The following ERI3 variants were observed in gnomAD, a reference collection of about 807,000 sequenced individuals.
ERI3 encodes the protein ERI1 exoribonuclease family member 3.
In ERI3, 18 loss-of-function variants were observed where a neutral mutation model predicts 44.4. The ratio of observed to expected loss-of-function variants is 0.41; its 90% CI spans 0.28 to 0.60. The LOEUF (loss-of-function observed/expected upper bound fraction) is 0.60. Ranked by LOEUF, ERI3 falls within the 20% of genes least tolerant of loss-of-function variation. The probability of loss-of-function intolerance (pLI) is 0.36; values close to 1 mark genes in which losing one functional copy is unlikely to be tolerated. For missense variants in ERI3, 294 were observed against 435.5 expected, an observed-to-expected ratio of 0.68 and a Z score of 2.89; for synonymous variants, 183 against 164.8, an observed-to-expected ratio of 1.11 and a Z score of -0.84.
At chr1:44,299,153 T>G (rs987682991) in intron 6 of ERI3, among the ~76,000 whole-genome samples, 6 of 152,118 alleles carry the variant, frequency 3.9e-5, no homozygotes, top group Non-Finnish European at 7.4e-5. Flanking sequence ...TTCACATTTG[T>G]GTATTTATGC....
chr1:44,355,269 C>T, upstream of ERI3: 1 of 1,149,460 alleles, frequency 8.7e-7, no homozygotes, highest in East Asian at 4.2e-5. Context: ...CCTCCGCGCA[C>T]TCTGACCCCG....
intron 3 of ERI3, among the ~76,000 whole-genome samples, chr1:44,338,647 G>C (rs1335926335): frequency 6.6e-6 from 1 of 152,214 alleles, no homozygotes; most frequent in Non-Finnish European, 1.5e-5. Context: ...TTCAGTGCAG[G>C]AGGGGAACTA....
chr1:44,268,269 A>AGGACTTCAC (rs16626), intron 7 of ERI3, among the ~76,000 whole-genome samples: 1 of 151,584 alleles, frequency 6.6e-6, no homozygotes, highest in African/African-American at 2.4e-5. Context: ...CCCAACCCAT[A>AGGACTTCAC]GGGTGACTGG....
intron 6 of ERI3, among the ~76,000 whole-genome samples, chr1:44,286,415 G>A (rs991263036): frequency 6.6e-5 from 10 of 152,142 alleles, no homozygotes; most frequent in Non-Finnish European, 1.0e-4. Context: ...TGTCTCAGAG[G>A]CAACTGGATA....
chr1:44,346,705 TG>T (rs1646790256), intron 2 of ERI3, among the ~76,000 whole-genome samples: 1 of 152,182 alleles, frequency 6.6e-6, no homozygotes. Context: ...GGGGAACTGC[TG>T]TAAAAGCAAG....
At position 44,273,003 on chromosome 1, in the gene ERI3, T is replaced by C. The variant is rs148661551; in HGVS notation, c.831+11832A>G. Among the ~76,000 whole-genome samples the C allele has an allele frequency of 7.0e-3, 1,063 of 152,284 alleles. 8 individuals are homozygous for C. Among genetic ancestry groups the C allele is most frequent in the African/African-American group, 0.024 (982 of 41,556 alleles). On this transcript the variant is annotated intron_variant, in intron 7 of 8. Coordinates refer to ENST00000372257, the MANE Select transcript of ERI3 (RefSeq NM_024066.3). ...TCCTGAAGAACGAAGGGAATGTCTG[T>C]GGCGTTTTCTGACATTGCTAATAGC...
intron 7 of ERI3, among the ~76,000 whole-genome samples, chr1:44,262,244 G>GC (rs1485104695): frequency 6.6e-6 from 1 of 152,140 alleles, no homozygotes; most frequent in East Asian, 1.9e-4. Flanking sequence ...CCCCATGCTA[G>GC]CCTACACTTG....
intron 7 of ERI3, among the ~76,000 whole-genome samples, chr1:44,275,705 C>A (rs1161806633): frequency 6.6e-6 from 1 of 152,148 alleles, no homozygotes; most frequent in Non-Finnish European, 1.5e-5. Flanking sequence ...AGTGGAGCAG[C>A]AATCTTCATA....
At chr1:44,324,489 T>TC (rs1646267452) in intron 3 of ERI3, among the ~76,000 whole-genome samples, 1 of 146,616 alleles carries the variant, frequency 6.8e-6, no homozygotes, top group Non-Finnish European at 1.5e-5. Context: ...TTTTTTTTTT[T>TC]TTTTTTTTTT....
At chr1:44,232,728 C>A (rs1644214283) in intron 8 of ERI3, among the ~76,000 whole-genome samples, 1 of 152,218 alleles carries the variant, frequency 6.6e-6, no homozygotes, top group African/African-American at 2.4e-5. Context: ...ATCATTCCTG[C>A]AAGTCCCAGA....
chr1:44,310,981 A>G (rs867204049), intron 5 of ERI3, among the ~76,000 whole-genome samples: 5,120 of 128,622 alleles, frequency 0.04, 228 homozygotes, highest in South Asian at 0.073. Flanking sequence ...ACACACACAC[A>G]CACACACACA....
chr1:44,263,067 G>A (rs949430399), intron 7 of ERI3, among the ~76,000 whole-genome samples: 4 of 152,218 alleles, frequency 2.6e-5, no homozygotes, highest in African/African-American at 9.6e-5. Context: ...CAAGGGGAAA[G>A]GGATGTTGAA....
intron 4 of ERI3, among the ~76,000 whole-genome samples, chr1:44,314,515 T>C (rs1473367500): frequency 6.6e-6 from 1 of 152,234 alleles, no homozygotes; most frequent in East Asian, 1.9e-4. Flanking sequence ...AAAGATTAAC[T>C]ACACTGTTGT....
At chr1:44,262,731 C>T (rs999596765) in intron 7 of ERI3, among the ~76,000 whole-genome samples, 1 of 152,218 alleles carries the variant, frequency 6.6e-6, no homozygotes, top group Admixed American at 6.5e-5. Context: ...TTGTGAGGTA[C>T]AGGAAAGACC....
At chr1:44,286,845 T>A (rs1645403841) in intron 6 of ERI3, among the ~76,000 whole-genome samples, 1 of 152,188 alleles carries the variant, frequency 6.6e-6, no homozygotes, top group African/African-American at 2.4e-5. Flanking sequence ...AAAGCTTCCA[T>A]CAGAGTTCCC....
chr1:44,280,802 G>A (rs1451662946), intron 7 of ERI3, among the ~76,000 whole-genome samples: 2 of 152,096 alleles, frequency 1.3e-5, no homozygotes, highest in Non-Finnish European at 2.9e-5. Flanking sequence ...AAACATCAAG[G>A]TCAAAATCAA....
At chr1:44,327,768 A>G (rs1346438318) in intron 3 of ERI3, among the ~76,000 whole-genome samples, 2 of 152,236 alleles carry the variant, frequency 1.3e-5, no homozygotes, top group African/African-American at 4.8e-5. Context: ...CTGTTCCATC[A>G]GTCACCCAAC....
At chr1:44,344,373 G>A (rs1646744519) in intron 2 of ERI3, among the ~76,000 whole-genome samples, 1 of 152,074 alleles carries the variant, frequency 6.6e-6, no homozygotes, top group Admixed American at 6.5e-5. Context: ...TCCCTGTAAT[G>A]CCCACAGAAG....
At chr1:44,233,150 A>C (rs1048758619) in intron 8 of ERI3, among the ~76,000 whole-genome samples, 1 of 152,160 alleles carries the variant, frequency 6.6e-6, no homozygotes, top group Non-Finnish European at 1.5e-5. Context: ...TCAGCTGGGT[A>C]TATAAAACTG....
Sources: allele counts gnomAD v4.1 joint callset (sites outside exome capture counted in the v4.1 genomes callset), GRCh38; gene constraint gnomAD v4.1.1; transcripts MANE v1.5; gene names NCBI Gene and HGNC (gene_info 2026-07-23, HGNC 2026-07-21).